The following RDX variants were observed in gnomAD, a reference collection of about 807,000 sequenced individuals.
RDX encodes the protein deafness, autosomal recessive 24.
A neutral mutation model predicts 83.7 loss-of-function variants in RDX; 32 were observed. The observed-to-expected ratio is 0.38, with a 90% CI of 0.29 to 0.51. The LOEUF (loss-of-function observed/expected upper bound fraction) is 0.51, where lower values mean the gene tolerates loss of function less well. Among genes scored for constraint, RDX ranks in the 20% least tolerant of loss-of-function variants. The pLI, the probability that RDX is intolerant of heterozygous loss-of-function variation, is 0.87. For synonymous variants in RDX, 229 were observed against 222.7 expected (o/e 1.03, Z -0.25); for missense variants, 600 against 689.9 (o/e 0.87, Z 1.46).
At chr11:110,218,727 A>G (rs544721744) in intron 14 of RDX, among the ~76,000 whole-genome samples, 3 of 152,322 alleles carry the variant, frequency 2.0e-5, no homozygotes, top group East Asian at 3.9e-4. Context: ...ATATGCAGTT[A>G]CTTCTTTCCA....
At chr11:110,202,589 TTC>T (rs1863452616) in intron 14 of RDX, among the ~76,000 whole-genome samples, 1 of 149,988 alleles carries the variant, frequency 6.7e-6, no homozygotes, top group Non-Finnish European at 1.5e-5. Flanking sequence ...TGGCTAATTT[TTC>T]TTTCTTTTTT....
At chr11:110,182,813 T>C (rs1370239476) in intron 15 of RDX, among the ~76,000 whole-genome samples, 7 of 152,202 alleles carry the variant, frequency 4.6e-5, no homozygotes, top group Non-Finnish European at 8.8e-5. Flanking sequence ...CATTGCTGCA[T>C]TTAGTTAAAC....
chr11:110,186,318 G>C (rs1255861414), intron 15 of RDX, among the ~76,000 whole-genome samples: 2 of 152,182 alleles, frequency 1.3e-5, no homozygotes. Context: ...CATGAAAAGT[G>C]AGAGCCAAGT....
intron 14 of RDX, among the ~76,000 whole-genome samples, chr11:110,209,347 G>C (rs1397407027): frequency 6.6e-6 from 1 of 151,890 alleles, no homozygotes; most frequent in African/African-American, 2.4e-5. Context: ...TACGCCCACG[G>C]AGTCTCGCTG....
At chr11:110,247,280 G>A (rs965191259) in intron 10 of RDX, among the ~76,000 whole-genome samples, 3 of 152,008 alleles carry the variant, frequency 2.0e-5, no homozygotes, top group Admixed American at 6.5e-5. Flanking sequence ...TTCCAAAAAA[G>A]TTCATATAGT....
chr11:110,275,782 CTTTT>C (rs36018441), intron 2 of RDX, among the ~76,000 whole-genome samples: 18 of 117,286 alleles, frequency 1.5e-4, no homozygotes, highest in African/African-American at 4.8e-4. Flanking sequence ...TTTTACCATC[CTTTT>C]TTTTTTTTTT....
intron 14 of RDX, among the ~76,000 whole-genome samples, chr11:110,206,766 A>G (rs948501835): frequency 2.6e-5 from 4 of 152,170 alleles, no homozygotes; most frequent in African/African-American, 7.2e-5. Flanking sequence ...TTTGTTCCAA[A>G]TATCTTTGGT....
intron 14 of RDX, among the ~76,000 whole-genome samples, chr11:110,201,925 G>A (rs1484877546): frequency 8.8e-5 from 5 of 56,804 alleles, no homozygotes; most frequent in African/African-American, 2.7e-4. Flanking sequence ...GTGTGTGTGT[G>A]TGTGTGTGTG....
downstream of RDX, among the ~76,000 whole-genome samples, chr11:110,226,066 CA>C (rs56228784): frequency 0.2 from 22,667 of 110,634 alleles, 2,261 homozygotes; most frequent in Middle Eastern, 0.3. Flanking sequence ...AACTCCATCT[CA>C]AAAAAAAAAA....
At chr11:110,209,644 A>T (rs1469246978) in intron 14 of RDX, among the ~76,000 whole-genome samples, 147 of 148,394 alleles carry the variant, frequency 9.9e-4, no homozygotes, top group Non-Finnish European at 1.8e-3. Flanking sequence ...GAGATCTGAG[A>T]ACGGGCAGAC....
chr11:110,295,940 C>CGA (rs1861437737), intron 1 of RDX, among the ~76,000 whole-genome samples: 3 of 152,206 alleles, frequency 2.0e-5, no homozygotes, highest in Admixed American at 2.0e-4. Flanking sequence ...TGGGGCGGAA[C>CGA]GCACGCTCTC....
At chr11:110,282,423 T>C (rs1011449448) in intron 1 of RDX, among the ~76,000 whole-genome samples, 5 of 152,172 alleles carry the variant, frequency 3.3e-5, no homozygotes, top group South Asian at 4.2e-4. Flanking sequence ...TTTTTTGATA[T>C]GAAAAGACTG....
intron 10 of RDX, among the ~76,000 whole-genome samples, chr11:110,239,687 G>A (rs1259650734): frequency 6.6e-6 from 1 of 152,110 alleles, no homozygotes. Flanking sequence ...TGGGCAAGGT[G>A]GCTCACGCCT....
chr11:110,250,208 C>T (rs772648756), intron 9 of RDX, among the ~76,000 whole-genome samples: 84 of 152,208 alleles, frequency 5.5e-4, no homozygotes, highest in Non-Finnish European at 9.4e-4. Flanking sequence ...GGCTGCTGAC[C>T]TTTCTGTGTT....
intron 3 of RDX, among the ~76,000 whole-genome samples, chr11:110,265,915 T>C (rs191901978): frequency 1.3e-3 from 205 of 152,306 alleles, no homozygotes; most frequent in Middle Eastern, 3.4e-3. Flanking sequence ...TTATTAGCAG[T>C]GTGTCTATTT....
chr11:110,287,977 G>A (rs1264100133), intron 1 of RDX, among the ~76,000 whole-genome samples: 1 of 152,140 alleles, frequency 6.6e-6, no homozygotes, highest in Non-Finnish European at 1.5e-5. Context: ...TCAAGAAGTA[G>A]GCTATTAAAG....
chr11:110,238,142 A>T (rs1220290188), intron 10 of RDX, among the ~76,000 whole-genome samples: 2 of 152,218 alleles, frequency 1.3e-5, no homozygotes, highest in African/African-American at 4.8e-5. Context: ...CTAAACTAAT[A>T]AGTAAATCCA....
At chr11:110,223,685 A>C (rs1232442773) in intron 14 of RDX, among the ~76,000 whole-genome samples, 2 of 152,220 alleles carry the variant, frequency 1.3e-5, no homozygotes, top group African/African-American at 4.8e-5. Flanking sequence ...AATCAAAAGT[A>C]AGAAAGAAAA....
chr11:110,264,375 A>C, intron 4 of RDX, 141 bp from the exon 5 acceptor site: 1 of 640,082 alleles, frequency 1.6e-6, no homozygotes, highest in Non-Finnish European at 2.7e-6. Flanking sequence ...AATAGTCTAA[A>C]TCTGTAAACA....
Sources: allele counts gnomAD v4.1 joint callset (sites outside exome capture counted in the v4.1 genomes callset), GRCh38; gene constraint gnomAD v4.1.1; transcripts MANE v1.5; gene names NCBI Gene and HGNC (gene_info 2026-07-23, HGNC 2026-07-21).